The following ACYP2 variants were observed in gnomAD, a reference collection of about 807,000 sequenced individuals.
The protein encoded by ACYP2 is acylphosphatase-2.
A neutral mutation model predicts 11.2 loss-of-function variants in ACYP2; 12 were observed. The ratio of observed to expected loss-of-function variants is 1.08; its 90% confidence interval spans 0.69 to 1.74. The LOEUF is 1.74. Among genes scored for constraint, ACYP2 ranks in the 40% most tolerant of loss-of-function variants. The pLI, the probability that ACYP2 is intolerant of heterozygous loss-of-function variation, is 0.00. For missense variants in ACYP2, 134 were observed against 101.9 expected (o/e 1.31, Z -1.35); for synonymous variants, 43 against 32.2 (o/e 1.33, Z -1.13).
intron 2 of ACYP2, among the ~76,000 whole-genome samples, chr2:54,050,695 T>C (rs1675807744): frequency 6.6e-6 from 1 of 152,182 alleles, no homozygotes; most frequent in Non-Finnish European, 1.5e-5. Flanking sequence ...GTAAAACAAT[T>C]GCATCCCCCT....
intron 3 of ACYP2, chr2:54,051,117 C>G: frequency 3.1e-6 from 2 of 648,612 alleles, no homozygotes; most frequent in Non-Finnish European, 5.5e-6. Flanking sequence ...ACAGCCATTG[C>G]AGTACACTGA....
chr2:54,277,734 A>T lies in ACYP2; in HGVS notation c.405-26954A>T, dbSNP rs539830982. Among the ~76,000 whole-genome samples the T allele has an allele frequency of 5.9e-5, 9 of 152,274 alleles. 1 individual carries two copies. In the East Asian group the frequency reaches 1.7e-3, roughly 29 times the overall value. The stretch of plus-strand genomic sequence containing the variant: ...GTTTTATAATTTCATGTGCTAGATA[A>T]TCATAGGCACAAAGCTTTCTACAAT... On this transcript the variant is annotated intron_variant, in intron 6 of 6. Coordinates refer to ENST00000607452, the MANE Select transcript of ACYP2 (RefSeq NM_001320586.2).
At position 54,255,667 on chromosome 2, in the gene ACYP2, A is replaced by C. The variant is rs1281473109; in HGVS notation, c.405-49021A>C. Reference sequence around the variant, plus strand: ...TTCTTCGCCTCCTGGCTTCTCATCCACTGGGGCTGAGAACATGGCACACTC... The same window carrying C: ...TTCTTCGCCTCCTGGCTTCTCATCCCCTGGGGCTGAGAACATGGCACACTC... On this transcript the variant is annotated intron_variant, in intron 6 of 6. Coordinates refer to ENST00000607452, the MANE Select transcript of ACYP2 (RefSeq NM_001320586.2). 1.9e-6 allele frequency: 3 copies of C among 1,613,264 alleles called. No homozygotes were observed. The South Asian group carries it at 3.3e-5, about 18-fold the overall frequency.
At chr2:54,140,788 A>T (rs1044911115) in intron 6 of ACYP2, among the ~76,000 whole-genome samples, 1 of 152,156 alleles carries the variant, frequency 6.6e-6, no homozygotes, top group African/African-American at 2.4e-5. Context: ...GTTTTTTGCA[A>T]TAAGAGCAAT....
intron 4 of ACYP2, among the ~76,000 whole-genome samples, chr2:54,062,670 A>C (rs1006539337): frequency 6.6e-6 from 1 of 152,248 alleles, no homozygotes; most frequent in Non-Finnish European, 1.5e-5. Context: ...TCTGGTTATC[A>C]TGAAGCCTGA....
At chr2:54,028,360 G>A (rs780329140) in intron 2 of ACYP2, among the ~76,000 whole-genome samples, 1 of 152,114 alleles carries the variant, frequency 6.6e-6, no homozygotes, top group Non-Finnish European at 1.5e-5. Flanking sequence ...CCAAAATATG[G>A]CATTCTGACA....
chr2:54,071,048 G>A (rs924613378), intron 4 of ACYP2, among the ~76,000 whole-genome samples: 3 of 151,894 alleles, frequency 2.0e-5, no homozygotes, highest in Non-Finnish European at 2.9e-5. Context: ...CACTGCACCC[G>A]GCCTCAAAAG....
At chr2:54,189,990 T>C (rs1413550485) in intron 6 of ACYP2, among the ~76,000 whole-genome samples, 1 of 152,206 alleles carries the variant, frequency 6.6e-6, no homozygotes, top group Non-Finnish European at 1.5e-5. Context: ...CTGTTGGACA[T>C]TTTTACGTTT....
intron 6 of ACYP2, among the ~76,000 whole-genome samples, chr2:54,258,028 T>C (rs905784612): frequency 2.0e-5 from 3 of 152,244 alleles, no homozygotes; most frequent in African/African-American, 7.2e-5. Context: ...CAAATGTTTA[T>C]TGGGTACCTA....
At chr2:54,013,263 G>C (rs879523506) in intron 2 of ACYP2, among the ~76,000 whole-genome samples, 3 of 77,276 alleles carry the variant, frequency 3.9e-5, no homozygotes, top group Admixed American at 1.4e-4. Flanking sequence ...ATATGTGTGT[G>C]TGTGTGTGTG....
At position 54,255,852 on chromosome 2, in the gene ACYP2, C is replaced by G. The variant is rs6740641; in HGVS notation, c.405-48836C>G. The G allele has an allele frequency of 3.5e-3, 5,650 of 1,613,852 alleles. 159 individuals are homozygous for G. The African/African-American group carries it at 0.063, about 18-fold the overall frequency. On this transcript the variant is annotated intron_variant, in intron 6 of 6. Coordinates refer to ENST00000607452, the MANE Select transcript of ACYP2 (RefSeq NM_001320586.2). Reference sequence around the variant, plus strand: ...CGTCAGTTGTCAGCGAGGCAGAGGCCGCTTCTAGGCCCTCCGCGGGTGGTG... The same window carrying G: ...CGTCAGTTGTCAGCGAGGCAGAGGCGGCTTCTAGGCCCTCCGCGGGTGGTG...
chr2:54,135,824 A>G (rs944241380), intron 5 of ACYP2, among the ~76,000 whole-genome samples: 2 of 152,206 alleles, frequency 1.3e-5, no homozygotes, highest in Non-Finnish European at 1.5e-5. Flanking sequence ...GCACTGCAAA[A>G]CAAAACACGC....
chr2:54,235,665 T>C (rs1330089537), intron 6 of ACYP2, among the ~76,000 whole-genome samples: 1 of 152,200 alleles, frequency 6.6e-6, no homozygotes, highest in East Asian at 1.9e-4. Context: ...ATAGGGTTTT[T>C]TTTGGAAAGC....
intron 4 of ACYP2, among the ~76,000 whole-genome samples, chr2:54,110,085 G>T (rs772047439): frequency 6.6e-5 from 10 of 152,120 alleles, no homozygotes; most frequent in Non-Finnish European, 1.2e-4. Flanking sequence ...GCATTTCGTA[G>T]AATTAAATTA....
intron 4 of ACYP2, among the ~76,000 whole-genome samples, chr2:54,098,081 GC>G (rs893204187): frequency 2.5e-4 from 38 of 151,026 alleles, no homozygotes; most frequent in African/African-American, 8.8e-4. Context: ...TCCTGCCTCA[GC>G]CTCCCCAGTA....
chr2:54,275,697 T>A (rs191592137), intron 6 of ACYP2, among the ~76,000 whole-genome samples: 1 of 152,260 alleles, frequency 6.6e-6, no homozygotes, highest in Admixed American at 6.5e-5. Context: ...ACATCAAGCA[T>A]AGAGAAATGA....
At chr2:54,154,388 T>A (rs2103816151) in intron 6 of ACYP2, among the ~76,000 whole-genome samples, 1 of 152,366 alleles carries the variant, frequency 6.6e-6, no homozygotes, top group East Asian at 1.9e-4. Flanking sequence ...AAGTTTTCCA[T>A]TTTTCACCAT....
In ACYP2 at chr2:54,029,908, G is replaced by C. The variant is rs1209701363; in HGVS notation, c.63-21050G>C. Reference sequence around the variant, plus strand: ...GCCGGGTCCGGCTGTGTTTTCTCGAGGCCCGCCAATAATGAGAAGCAGACA... The same window carrying C: ...GCCGGGTCCGGCTGTGTTTTCTCGACGCCCGCCAATAATGAGAAGCAGACA... On this transcript the variant is annotated intron_variant, in intron 2 of 6. Transcript: ENST00000607452. 6 of 257,028 alleles carry C rather than the reference G, an allele frequency of 2.3e-5. No homozygotes were observed. The East Asian group carries it at 4.8e-4, about 21-fold the overall frequency. The allele number at this position is 257,028 out of a possible 1,614,324, so 15.9% of individuals were successfully genotyped here. A position where few individuals can be genotyped will look rare whatever the true frequency, so the allele number is the denominator to read the frequency against.
chr2:54,240,380 GCAGA>G (rs1236265126), intron 6 of ACYP2, among the ~76,000 whole-genome samples: 1 of 152,108 alleles, frequency 6.6e-6, no homozygotes, highest in African/African-American at 2.4e-5. Flanking sequence ...TTCTTGGTGA[GCAGA>G]CAAACAAAAA....
Sources: gnomAD v4.1 joint callset for allele counts (sites outside exome capture counted in the v4.1 genomes callset) on GRCh38, gnomAD v4.1.1 for gene constraint, MANE v1.5 for transcripts, NCBI Gene and HGNC (gene_info 2026-07-23, HGNC 2026-07-21) for gene names.